The following SEMA6A variants were observed in gnomAD, a reference collection of about 807,000 sequenced individuals.
SEMA6A encodes semaphorin 6A, also known as semaphorin-6A.
A neutral mutation model predicts 96.8 loss-of-function variants in SEMA6A; 25 were observed. The ratio of observed to expected loss-of-function variants is 0.26; its 90% CI spans 0.19 to 0.36. The LOEUF is 0.36. SEMA6A is among the 10% of genes least tolerant of loss of function. SEMA6A has a pLI of 1.00. For missense variants in SEMA6A, 1,363 were observed against 1,323.1 expected, an observed-to-expected ratio of 1.03 and a Z score of -0.47; for synonymous variants, 612 against 518.0, an observed-to-expected ratio of 1.18 and a Z score of -2.46.
In SEMA6A at chr5:116,482,424, AT is replaced by A; in HGVS notation, c.1094+19del. The stretch of plus-strand genomic sequence containing the variant: ...GCCATTTCTAAAGTTTAAAATAGCC[AT>A]ATGAATATTTGCACATACCTGGGCT... On this transcript the variant is annotated intron_variant, in intron 11 of 18. Transcript: ENST00000343348. 1 of 1,609,622 alleles carries A rather than the reference AT, an allele frequency of 6.2e-7. No individual in the cohort carries two copies. Among genetic ancestry groups the A allele is most frequent in the Non-Finnish European group, 8.5e-7 (1 of 1,177,358 alleles).
intron 1 of SEMA6A, among the ~76,000 whole-genome samples, chr5:116,557,074 T>C (rs1046154235): frequency 3.9e-5 from 6 of 152,228 alleles, no homozygotes; most frequent in Admixed American, 2.6e-4. Flanking sequence ...TTAATATCTT[T>C]AGAGAATAAT....
At chr5:116,547,830 C>T (rs1435532772) in intron 1 of SEMA6A, among the ~76,000 whole-genome samples, 1 of 150,538 alleles carries the variant, frequency 6.6e-6, no homozygotes, top group African/African-American at 2.4e-5. Context: ...ACATGATCAG[C>T]ACTGTTAATT....
intron 11 of SEMA6A, 120 bp from the exon 12 acceptor site, chr5:116,480,397 G>A (rs1756690501): frequency 8.2e-7 from 1 of 1,220,002 alleles, no homozygotes; most frequent in Non-Finnish European, 1.2e-6. Context: ...AGCCTGAGAG[G>A]AGGAAGTTGA....
At position 116,574,605 on chromosome 5, in the gene SEMA6A, G is replaced by C. The variant is rs537775356; in HGVS notation, c.-459C>G. On this transcript the variant is annotated 5_prime_UTR_variant, in exon 1 of 19. Coordinates refer to ENST00000343348, the MANE Select transcript of SEMA6A (RefSeq NM_020796.5). The stretch of plus-strand genomic sequence containing the variant: ...TTTCAGGGCGGGGGGCGGGGTGGGG[G>C]CTGGGGCAGGGGTGCAAGGCTCTGG... 3 of 144,488 alleles carry C rather than the reference G, an allele frequency of 2.1e-5. No individual in the cohort carries two copies. The highest frequency in any genetic ancestry group is 1.4e-4 in the Admixed American group (2 of 14,754). 9.0% of individuals were successfully genotyped at this position (144,488 alleles called of 1,614,324 possible).
intron 7 of SEMA6A, among the ~76,000 whole-genome samples, chr5:116,490,315 C>A (rs956824652): frequency 4.6e-5 from 7 of 152,166 alleles, no homozygotes; most frequent in African/African-American, 1.2e-4. Context: ...TTATATAAGA[C>A]TATAGAATAT....
chr5:116,473,757 C>T (rs1300645173), intron 16 of SEMA6A, among the ~76,000 whole-genome samples: 2 of 152,088 alleles, frequency 1.3e-5, no homozygotes, highest in East Asian at 3.9e-4. Flanking sequence ...TCCCTGAATA[C>T]CTATGTGGGG....
rs374667371 is a variant in SEMA6A, at chr5:116,475,595, A to G, written c.1658T>C (p.Phe553Ser). The change falls in exon 16 of 19, where the codon TTT (phenylalanine) becomes TCT (serine). Residue 553 changes from phenylalanine to serine, a missense_variant. Phe to Ser is a radical substitution (Grantham distance 155, BLOSUM62 -2). This residue lies in a region of SEMA6A where 883 missense variants were observed against 763.6 expected (regional missense o/e 1.16). Coordinates refer to ENST00000343348, the MANE Select transcript of SEMA6A (RefSeq NM_020796.5). The stretch of plus-strand genomic sequence containing the variant: ...ATTGCCACGCTCTATGTCCTGCTCA[A>G]AAGTCAGTCTTTTAAAAAAGGAAGG... ...SHLSPNSRLT[F>S]EQDIERGNTD... 2 of 1,601,400 alleles carry G rather than the reference A, an allele frequency of 1.2e-6. No homozygotes were observed. The highest frequency in any genetic ancestry group is 1.7e-6 in the Non-Finnish European group (2 of 1,173,532).
chr5:116,446,413 G>A lies in SEMA6A; in HGVS notation c.*200C>T, dbSNP rs967076090. 4 of 478,618 alleles carry A rather than the reference G, an allele frequency of 8.4e-6. No homozygotes were observed. Among genetic ancestry groups the A allele is most frequent in the South Asian group, 1.1e-4 (2 of 18,026 alleles). The allele number at this position is 478,618 out of a possible 1,614,324, so 29.6% of individuals were successfully genotyped here. A position where few individuals can be genotyped will look rare whatever the true frequency, so the allele number is the denominator to read the frequency against. On this transcript the variant is annotated 3_prime_UTR_variant, in exon 19 of 19. Coordinates refer to ENST00000343348, the MANE Select transcript of SEMA6A (RefSeq NM_020796.5). Reference sequence around the variant, plus strand: ...AGGAAGAGAATGAAGGTGAGTCCCCGCCGTTGCAAACCTTCACCAAACCAC... The same window carrying A: ...AGGAAGAGAATGAAGGTGAGTCCCCACCGTTGCAAACCTTCACCAAACCAC...
At chr5:116,530,206 G>C (rs1464566101) in intron 1 of SEMA6A, among the ~76,000 whole-genome samples, 1 of 152,132 alleles carries the variant, frequency 6.6e-6, no homozygotes, top group African/African-American at 2.4e-5. Flanking sequence ...AAATATCTCA[G>C]TGTTTACATT....
At chr5:116,486,990 A>G (rs1315708254) in intron 9 of SEMA6A, 24 bp from the exon 10 acceptor site, 58 of 1,537,416 alleles carry the variant, frequency 3.8e-5, no homozygotes, top group Non-Finnish European at 5.2e-5. Context: ...ACACATAGGG[A>G]AAATTAAATG....
At chr5:116,480,338 TTGAA>T in intron 11 of SEMA6A, 61 bp from the exon 12 acceptor site, 1 of 1,585,658 alleles carries the variant, frequency 6.3e-7, no homozygotes, top group Admixed American at 1.7e-5. Context: ...GGCAAATTCT[TTGAA>T]TGAACTGCTT....
chr5:116,444,283 C>T lies in SEMA6A; in HGVS notation c.*2330G>A, dbSNP rs569441752. On this transcript the variant is annotated 3_prime_UTR_variant, in exon 19 of 19. Transcript: ENST00000343348. ...ACAACCACCTACTCCTAAACAACAG[C>T]AAAACTAATGGACTTTTGGAACAAA... is the stretch of plus-strand genomic sequence containing the variant. The T allele has an allele frequency of 3.3e-4, 50 of 150,784 alleles. No homozygotes were observed. The highest frequency in any genetic ancestry group is 1.2e-3 in the African/African-American group (50 of 41,106). The allele number at this position is 150,784 out of a possible 1,614,324, so 9.3% of individuals were successfully genotyped here.
At chr5:116,508,818 C>A (rs1050594702) in intron 1 of SEMA6A, among the ~76,000 whole-genome samples, 1 of 152,178 alleles carries the variant, frequency 6.6e-6, no homozygotes, top group African/African-American at 2.4e-5. Context: ...TCTTAGGAGG[C>A]CTTCCTTACC....
At chr5:116,504,636 C>T (rs1404624631) in intron 2 of SEMA6A, among the ~76,000 whole-genome samples, 5 of 152,246 alleles carry the variant, frequency 3.3e-5, no homozygotes, top group Non-Finnish European at 7.3e-5. Context: ...CGTTTCAAAT[C>T]CTCACACGTG....
rs765577707 is a variant in SEMA6A, at chr5:116,447,570, A to C, written c.2136T>G (p.Thr712=). ...VTKLSGLFGD[T]QSKDPKPEAI... is the part of the protein sequence containing the mutation. ...CCTCCGGCTTTGGGTCTTTGGATTG[A>C]GTGTCCCCAAAGAGGCCGCTGAGCT... The change falls in exon 19 of 19, where the codon ACT becomes ACG. Residue 712 remains threonine (T), a synonymous_variant. Coordinates refer to ENST00000343348, the MANE Select transcript of SEMA6A (RefSeq NM_020796.5). The C allele has an allele frequency of 5.6e-6, 9 of 1,613,962 alleles. No homozygotes were observed. Among genetic ancestry groups the C allele is most frequent in the Non-Finnish European group, 7.6e-6 (9 of 1,179,896 alleles).
chr5:116,482,025 A>T (rs1311307000), intron 11 of SEMA6A, among the ~76,000 whole-genome samples: 2 of 152,050 alleles, frequency 1.3e-5, no homozygotes, highest in East Asian at 3.9e-4. Context: ...TCCGGAAAAC[A>T]CTATTTATAT....
chr5:116,520,341 C>A (rs2112813450), intron 1 of SEMA6A, among the ~76,000 whole-genome samples: 1 of 133,498 alleles, frequency 7.5e-6, no homozygotes, highest in African/African-American at 2.9e-5. Flanking sequence ...TTTGTCTGTT[C>A]CTCCCCTCCA....
chr5:116,539,641 T>C (rs1217757889), intron 1 of SEMA6A, among the ~76,000 whole-genome samples: 1 of 151,790 alleles, frequency 6.6e-6, no homozygotes, highest in Non-Finnish European at 1.5e-5. Context: ...TTTACTCCTG[T>C]AATCCCCTTC....
intron 1 of SEMA6A, among the ~76,000 whole-genome samples, chr5:116,545,632 A>G (rs555553709): frequency 2.3e-4 from 35 of 152,234 alleles, no homozygotes; most frequent in South Asian, 2.3e-3. Context: ...ATCTGCGAGG[A>G]GCACCCTTTC....
Sources: allele counts gnomAD v4.1 joint callset (sites outside exome capture counted in the v4.1 genomes callset), GRCh38; gene constraint gnomAD v4.1.1; regional missense constraint gnomAD v4.1.1; transcripts MANE v1.5; gene names NCBI Gene and HGNC (gene_info 2026-07-23, HGNC 2026-07-21).